Variants in KCNMA1 observed in about 807,000 individuals in gnomAD.
KCNMA1 encodes Calcium-activated potassium channel subunit alpha-1.
KCNMA1 carries 29 observed loss-of-function variants against 140.0 expected under a neutral mutation model. The observed-to-expected ratio is 0.21, with a 90% confidence interval of 0.15 to 0.28. The LOEUF is 0.28. Among genes scored for constraint, KCNMA1 ranks in the 10% least tolerant of loss-of-function variants. The probability of loss-of-function intolerance (pLI) is 1.00; values close to 1 mark genes in which losing one functional copy is unlikely to be tolerated. For synonymous variants in KCNMA1, 612 were observed against 611.9 expected (o/e 1.00, Z 0.00); for missense variants, 880 against 1,602.2 (o/e 0.55, Z 7.70).
chr10:77,341,448 G>C (rs2090903451), intron 2 of KCNMA1, among the ~76,000 whole-genome samples: 1 of 151,870 alleles, frequency 6.6e-6, no homozygotes, highest in Non-Finnish European at 1.5e-5. Context: ...CTCCATTTTT[G>C]TCTGGCTTTT....
chr10:77,562,819 C>T (rs1342901975), intron 1 of KCNMA1, among the ~76,000 whole-genome samples: 1 of 152,228 alleles, frequency 6.6e-6, no homozygotes, highest in Admixed American at 6.5e-5. Flanking sequence ...CCATACCAAG[C>T]ACATTCAGTT....
chr10:77,203,802 A>G (rs1328025617), intron 3 of KCNMA1, among the ~76,000 whole-genome samples: 1 of 152,158 alleles, frequency 6.6e-6, no homozygotes, highest in Non-Finnish European at 1.5e-5. Context: ...ATACCAATTC[A>G]GAACTTAAAT....
chr10:77,182,948 T>G (rs969961237), intron 5 of KCNMA1, among the ~76,000 whole-genome samples: 1 of 152,092 alleles, frequency 6.6e-6, no homozygotes, highest in African/African-American at 2.4e-5. Context: ...TCAAGAAGCT[T>G]CATCTCTCCC....
chr10:77,070,031 G>A (rs1156873338), intron 14 of KCNMA1, among the ~76,000 whole-genome samples: 1 of 152,104 alleles, frequency 6.6e-6, no homozygotes, highest in Non-Finnish European at 1.5e-5. Context: ...GGCCAGGCTG[G>A]TCTCGAACTC....
rs202024249 is a variant in KCNMA1, at chr10:76,887,393, G to A, written c.3584C>T (p.Ser1195Leu). ...SRASLSHSSH[S>L]SQSSSKKSSS... Reference sequence around the variant, plus strand: ...GCTCTTCTTGCTGGAGGACTGCGACGAGTGGGAGGAATGGGACAGGCTGGC... The same window carrying A: ...GCTCTTCTTGCTGGAGGACTGCGACAAGTGGGAGGAATGGGACAGGCTGGC... The change falls in exon 28 of 28, where the codon TCG becomes TTG. Residue 1195 changes from serine to leucine, a missense_variant. Ser to Leu is a moderately radical substitution (Grantham distance 145). Around this residue, in one of 13 missense-constraint regions of KCNMA1, gnomAD observed 115 missense variants for 139.9 expected, o/e 0.82. Coordinates refer to ENST00000286628, the MANE Select transcript of KCNMA1 (RefSeq NM_001161352.2). 2.5e-6 allele frequency: 4 copies of A among 1,614,034 alleles called. No homozygotes were observed. Among genetic ancestry groups the A allele is most frequent in the East Asian group, 2.2e-5 (1 of 44,870 alleles).
chr10:77,402,237 A>G (rs948041718), intron 2 of KCNMA1, among the ~76,000 whole-genome samples: 1 of 152,204 alleles, frequency 6.6e-6, no homozygotes, highest in African/African-American at 2.4e-5. Context: ...AGAGCAATGG[A>G]GACTTCAGTC....
intron 1 of KCNMA1, among the ~76,000 whole-genome samples, chr10:77,491,753 A>ACACACACC (rs962644965): frequency 4.3e-5 from 6 of 139,980 alleles, no homozygotes; most frequent in African/African-American, 1.6e-4. Flanking sequence ...ACACACACAC[A>ACACACACC]CCCTACATAT....
intron 3 of KCNMA1, among the ~76,000 whole-genome samples, chr10:77,222,592 T>C (rs1247219055): frequency 6.6e-6 from 1 of 152,164 alleles, no homozygotes; most frequent in African/African-American, 2.4e-5. Flanking sequence ...GGCTTCTAGA[T>C]CCTTTGGCTG....
intron 2 of KCNMA1, among the ~76,000 whole-genome samples, chr10:77,275,754 A>T (rs888492546): frequency 1.3e-5 from 2 of 152,202 alleles, no homozygotes. Flanking sequence ...ACTGCTCAGC[A>T]GGAGGTAGAG....
chr10:77,058,743 G>A (rs2095634242), intron 14 of KCNMA1, among the ~76,000 whole-genome samples: 1 of 151,980 alleles, frequency 6.6e-6, no homozygotes, highest in Non-Finnish European at 1.5e-5. Flanking sequence ...AAAATTTGTG[G>A]AATGCAGCTA....
At chr10:76,936,074 T>C (rs2060478980) in intron 23 of KCNMA1, among the ~76,000 whole-genome samples, 1 of 152,204 alleles carries the variant, frequency 6.6e-6, no homozygotes, top group Non-Finnish European at 1.5e-5. Context: ...TGAAATATGC[T>C]ATATAGGAAA....
At chr10:77,529,253 T>A (rs2056918411) in intron 1 of KCNMA1, among the ~76,000 whole-genome samples, 1 of 143,856 alleles carries the variant, frequency 7.0e-6, no homozygotes, top group South Asian at 2.2e-4. Context: ...CCTGCACCAC[T>A]CTGCCTGTGG....
At chr10:77,566,260 T>C (rs907564635) in intron 1 of KCNMA1, among the ~76,000 whole-genome samples, 24 of 152,166 alleles carry the variant, frequency 1.6e-4, no homozygotes, top group African/African-American at 5.8e-4. Flanking sequence ...CCAGGATCCT[T>C]GGTCCAGGAA....
chr10:77,591,374 C>T (rs1186106156), intron 1 of KCNMA1, among the ~76,000 whole-genome samples: 2 of 152,318 alleles, frequency 1.3e-5, no homozygotes, highest in East Asian at 3.9e-4. Context: ...CTGACCACCT[C>T]CTCCAGGAAG....
Position 77,084,623 on chromosome 10 carries a change from G to A in KCNMA1, c.1523+14C>T, listed in dbSNP as rs200327924. The A allele has an allele frequency of 2.2e-5, 36 of 1,609,408 alleles. No homozygotes were observed. In the African/African-American group the frequency reaches 3.3e-4, roughly 15 times the overall value. On this transcript the variant is annotated intron_variant, in intron 12 of 27. Transcript: ENST00000286628. ...TGCCAAGCCCAGGGCCTTCCGCAGC[G>A]CCCCAAGAGTTACCTCATGATATTC... is the stretch of plus-strand genomic sequence containing the variant.
At chr10:77,397,762 C>A (rs992456406) in intron 2 of KCNMA1, among the ~76,000 whole-genome samples, 1 of 152,136 alleles carries the variant, frequency 6.6e-6, no homozygotes, top group Non-Finnish European at 1.5e-5. Flanking sequence ...TCACTCATCG[C>A]CACCTCCCAC....
intron 1 of KCNMA1, among the ~76,000 whole-genome samples, chr10:77,506,020 CCCTGAAAA>C (rs909576971): frequency 6.6e-6 from 1 of 152,134 alleles, no homozygotes; most frequent in Non-Finnish European, 1.5e-5. Context: ...AGAAGCAAGT[CCCTGAAAA>C]CCATGCTGCT....
rs573002360 is a variant in KCNMA1 at position 77,329,662 on chromosome 10, C to T, written c.540+74200G>A. The stretch of plus-strand genomic sequence containing the variant: ...CTGGATAATAAGAAATTGAACAACA[C>T]GAATGTCCTATCCTGAAAATAATTT... On this transcript the variant is annotated intron_variant, in intron 2 of 27. Coordinates refer to ENST00000286628, the MANE Select transcript of KCNMA1 (RefSeq NM_001161352.2). Among the ~76,000 whole-genome samples the T allele has an allele frequency of 6.6e-5, 10 of 152,298 alleles. No homozygotes were observed. In the South Asian group the frequency reaches 1.9e-3, roughly 28 times the overall value.
intron 5 of KCNMA1, among the ~76,000 whole-genome samples, chr10:77,170,711 T>G (rs2098696815): frequency 6.6e-6 from 1 of 152,142 alleles, no homozygotes. Context: ...CTATCCTAAT[T>G]TCAGAGAGTT....
Sources: gnomAD v4.1 joint callset for allele counts (sites outside exome capture counted in the v4.1 genomes callset) on GRCh38, gnomAD v4.1.1 for gene constraint, gnomAD v4.1.1 regional missense constraint, MANE v1.5 for transcripts, NCBI Gene and HGNC (gene_info 2026-07-23, HGNC 2026-07-21) for gene names.